Variants in ATP13A4 observed in about 807,000 individuals in gnomAD.
ATP13A4 encodes the protein ATPase 13A4.
Under a neutral mutation model 142.5 loss-of-function variants are expected in ATP13A4, and 114 were observed. That is an observed-to-expected ratio of 0.80 (90% CI 0.69 to 0.93). The LOEUF is 0.93. Ranked by LOEUF, ATP13A4 falls within the 40% of genes least tolerant of loss-of-function variation. The pLI, the probability that ATP13A4 is intolerant of heterozygous loss-of-function variation, is 0.00. For missense variants in ATP13A4, 1,392 were observed against 1,454.0 expected (o/e 0.96, Z 0.69); for synonymous variants, 488 against 514.8 (o/e 0.95, Z 0.70).
At chr3:193,446,957 T>C (rs1716991265) in intron 18 of ATP13A4, among the ~76,000 whole-genome samples, 1 of 152,214 alleles carries the variant, frequency 6.6e-6, no homozygotes, top group Admixed American at 6.5e-5. Flanking sequence ...CAAGATGTCA[T>C]TCATGTGTCA....
At chr3:193,454,035 T>G in intron 17 of ATP13A4, 66 bp downstream of exon 17, 20 of 1,394,506 alleles carry the variant, frequency 1.4e-5, no homozygotes, top group Non-Finnish European at 1.9e-5. Context: ...CTAATGCACT[T>G]GACATTCCAA....
In ATP13A4 at chr3:193,465,071, G is replaced by T; in HGVS notation, c.1330C>A (p.Pro444Thr). 6.2e-7 allele frequency: 1 copy of T among 1,614,104 alleles called. No homozygotes were observed. Among genetic ancestry groups the T allele is most frequent in the Non-Finnish European group, 8.5e-7 (1 of 1,180,010 alleles). Reference sequence around the variant, plus strand: ...GTGGTCAGAGCAGCAGGTAGAGCCGGAGGAACCGCAATTGTGATGACGTCA... The same window carrying T: ...GTGGTCAGAGCAGCAGGTAGAGCCGTAGGAACCGCAATTGTGATGACGTCA... ...ALDVITIAVP[P>T]ALPAALTTGI... Residue 444 changes from proline (P) to threonine (T), a missense_variant, in exon 12 of 30, where the codon CCG becomes ACG. Transcript: ENST00000342695.
chr3:193,409,358 T>G (rs188658023), intron 28 of ATP13A4, among the ~76,000 whole-genome samples: 1 of 135,748 alleles, frequency 7.4e-6, no homozygotes, highest in Admixed American at 7.3e-5. Flanking sequence ...TATGTAATAA[T>G]AAGAAAAATA....
chr3:193,573,240 A>G (rs2108742260), intron 2 of ATP13A4, among the ~76,000 whole-genome samples: 1 of 122,366 alleles, frequency 8.2e-6, no homozygotes, highest in African/African-American at 3.4e-5. Flanking sequence ...CCACAGATGA[A>G]CTTTAACGAA....
In ATP13A4 at chr3:193,412,323, T is replaced by G; in HGVS notation, c.3063A>C (p.Pro1021=). Residue 1021 remains proline (P), a synonymous_variant, in exon 27 of 30, where the codon CCA becomes CCC. Transcript: ENST00000342695. ...NESISELTMS[P]TAPEKMESNS... ...TACTTTCCATTTTTTCTGGAGCAGT[T>G]GGAGACATGGTTAACTCTGAGATGC... 1.2e-6 allele frequency: 2 copies of G among 1,614,164 alleles called. No homozygotes were observed. Among genetic ancestry groups the G allele is most frequent in the South Asian group, 1.1e-5 (1 of 91,078 alleles).
chr3:193,516,827 T>G (rs1721443357), intron 1 of ATP13A4, among the ~76,000 whole-genome samples: 2 of 152,218 alleles, frequency 1.3e-5, no homozygotes, highest in South Asian at 4.1e-4. Flanking sequence ...GTTTCCAAAG[T>G]GTCTTTGTGT....
intron 2 of ATP13A4, among the ~76,000 whole-genome samples, chr3:193,569,979 T>C (rs1724223940): frequency 1.3e-5 from 2 of 150,838 alleles, no homozygotes. Flanking sequence ...AAATGGAGAG[T>C]TTATTTTTTA....
At chr3:193,506,259 A>G (rs1720856071) in intron 2 of ATP13A4, among the ~76,000 whole-genome samples, 2 of 152,190 alleles carry the variant, frequency 1.3e-5, no homozygotes, top group Admixed American at 6.5e-5. Flanking sequence ...AGGAGCTACC[A>G]TTTTAAATAA....
chr3:193,514,987 G>A (rs908989527), intron 1 of ATP13A4, 116 bp from the exon 2 acceptor site: 23 of 1,107,902 alleles, frequency 2.1e-5, no homozygotes, highest in Non-Finnish European at 2.9e-5. Flanking sequence ...AGGAGGGTGA[G>A]GAGAGGGCAG....
intron 1 of ATP13A4, among the ~76,000 whole-genome samples, chr3:193,591,004 T>C (rs1724754453): frequency 6.6e-6 from 1 of 152,234 alleles, no homozygotes; most frequent in South Asian, 2.1e-4. Context: ...CTGATATTTT[T>C]ATGTGATTTT....
At chr3:193,511,785 C>G (rs1157970102) in intron 2 of ATP13A4, among the ~76,000 whole-genome samples, 1 of 151,554 alleles carries the variant, frequency 6.6e-6, no homozygotes, top group African/African-American at 2.4e-5. Context: ...TCACACTGCC[C>G]CATTTTACAA....
At chr3:193,472,996 G>A (rs566838399) in intron 8 of ATP13A4, among the ~76,000 whole-genome samples, 1 of 152,200 alleles carries the variant, frequency 6.6e-6, no homozygotes, top group Non-Finnish European at 1.5e-5. Flanking sequence ...AAACATGTTT[G>A]CTAGTCTTCT....
intron 2 of ATP13A4, among the ~76,000 whole-genome samples, chr3:193,576,705 G>A (rs942629492): frequency 1.2e-4 from 19 of 152,196 alleles, no homozygotes; most frequent in Non-Finnish European, 2.5e-4. Flanking sequence ...GGGAAATTGA[G>A]CAGAAAAGGA....
intron 1 of ATP13A4, among the ~76,000 whole-genome samples, chr3:193,552,461 C>T (rs376405168): frequency 2.0e-5 from 3 of 152,178 alleles, no homozygotes; most frequent in East Asian, 1.9e-4. Context: ...AAGCATGAAA[C>T]TAAACACTTT....
chr3:193,435,985 A>G (rs1375462943), intron 23 of ATP13A4, among the ~76,000 whole-genome samples: 1 of 152,230 alleles, frequency 6.6e-6, no homozygotes, highest in Non-Finnish European at 1.5e-5. Flanking sequence ...GATGGAGTCC[A>G]GATTTACAGT....
intron 2 of ATP13A4, among the ~76,000 whole-genome samples, chr3:193,508,887 T>C (rs909142083): frequency 2.0e-5 from 3 of 152,032 alleles, no homozygotes; most frequent in Non-Finnish European, 4.4e-5. Context: ...TAAATTAAAT[T>C]AAATAACTAA....
At chr3:193,433,617 T>C (rs1361719868) in intron 25 of ATP13A4, among the ~76,000 whole-genome samples, 1 of 152,230 alleles carries the variant, frequency 6.6e-6, no homozygotes, top group Non-Finnish European at 1.5e-5. Context: ...AAGTTCCACA[T>C]TTTGCAGAAA....
rs1251428113 is a variant in ATP13A4, at chr3:193,483,645, TGG to T, written c.808+289_808+290del. On this transcript the variant is annotated intron_variant, in intron 8 of 29. Transcript: ENST00000342695. The stretch of plus-strand genomic sequence containing the variant: ...ACGCCCGGCTAATTTTTTGTATTTT[TGG>T]TAGAGACAGGGTTTCACCGTGTTAG... Among the ~76,000 whole-genome samples, 158 of 152,072 alleles carry T rather than the reference TGG, an allele frequency of 1.0e-3. 1 individual carries two copies. The East Asian group carries it at 0.012, about 11-fold the overall frequency.
chr3:193,548,276 C>G (rs1723338391), intron 1 of ATP13A4, among the ~76,000 whole-genome samples: 1 of 152,128 alleles, frequency 6.6e-6, no homozygotes, highest in African/African-American at 2.4e-5. Flanking sequence ...GTTAATAGAG[C>G]TTGCAATTAC....
Sources: allele counts gnomAD v4.1 joint callset (sites outside exome capture counted in the v4.1 genomes callset), GRCh38; gene constraint gnomAD v4.1.1; transcripts MANE v1.5; gene names NCBI Gene and HGNC (gene_info 2026-07-23, HGNC 2026-07-21).